The following FTO variants were observed in gnomAD, a reference collection of about 807,000 sequenced individuals.
FTO encodes the protein FTO alpha-ketoglutarate dependent dioxygenase.
In FTO, 47 loss-of-function variants were observed where a neutral mutation model predicts 63.9. That is an observed-to-expected ratio of 0.74 (90% CI 0.58 to 0.94). FTO has a LOEUF of 0.94. Ranked by LOEUF, FTO falls within the 40% of genes least tolerant of loss-of-function variation. The pLI is 0.00. For synonymous variants in FTO, 207 were observed against 224.4 expected, an observed-to-expected ratio of 0.92 and a Z score of 0.69; for missense variants, 562 against 618.1, an observed-to-expected ratio of 0.91 and a Z score of 0.96.
rs2087005282 is a variant in FTO, at chr16:54,121,523, G to A, written c.*9608G>A. On this transcript the variant is annotated 3_prime_UTR_variant, in exon 9 of 9. Coordinates refer to ENST00000471389, the MANE Select transcript of FTO (RefSeq NM_001080432.3). ...GGGGATGGAGAGCCACCTCCTCCCCGGCTTTCTGGTTCAGATGTCTTGTCT... is the reference window on the plus strand; with the variant it reads ...GGGGATGGAGAGCCACCTCCTCCCCAGCTTTCTGGTTCAGATGTCTTGTCT... 1 of 152,184 alleles carries A rather than the reference G, an allele frequency of 6.6e-6. No individual in the cohort carries two copies. The highest frequency in any genetic ancestry group is 2.1e-4 in the South Asian group (1 of 4,822). 9.4% of individuals were successfully genotyped at this position (152,184 alleles called of 1,614,324 possible).
At chr16:53,806,450 T>A (rs2078370356) in intron 1 of FTO, among the ~76,000 whole-genome samples, 3 of 152,202 alleles carry the variant, frequency 2.0e-5, no homozygotes, top group Admixed American at 2.0e-4. Context: ...CATTTATCCT[T>A]TGTGTTTCTG....
chr16:54,074,075 T>C (rs925795050), intron 8 of FTO, among the ~76,000 whole-genome samples: 10 of 152,100 alleles, frequency 6.6e-5, no homozygotes, highest in African/African-American at 1.9e-4. Context: ...TGCCTGCTAG[T>C]TCTACCCTCG....
rs865940756 is a variant in FTO, at chr16:54,114,852, C to T, written c.*2937C>T. 92 of 152,546 alleles carry T rather than the reference C, an allele frequency of 6.0e-4. No homozygotes were observed. Among genetic ancestry groups the T allele is most frequent in the African/African-American group, 2.1e-3 (87 of 41,536 alleles). The allele number at this position is 152,546 out of a possible 1,614,324, so 9.4% of individuals were successfully genotyped here. ...CCGGGAGGCGGAGGTTGCAGTGAGCCGAGATCATGCCACTGCACTCCAGCC... is the reference window on the plus strand; with the variant it reads ...CCGGGAGGCGGAGGTTGCAGTGAGCTGAGATCATGCCACTGCACTCCAGCC... On this transcript the variant is annotated 3_prime_UTR_variant, in exon 9 of 9. Coordinates refer to ENST00000471389, the MANE Select transcript of FTO (RefSeq NM_001080432.3).
chr16:53,837,013 A>G lies in FTO; in HGVS notation c.752-7142A>G, dbSNP rs541398945. Among the ~76,000 whole-genome samples, 13 of 152,062 alleles carry G rather than the reference A, an allele frequency of 8.5e-5. No individual in the cohort carries two copies. The South Asian group carries it at 2.1e-3, about 24-fold the overall frequency. ...TAAGGGTTTCCTGTGAGTCTCCACA[A>G]CTCTCTTTATACCTTCCTGAGGTTA... On this transcript the variant is annotated intron_variant, in intron 3 of 8. Coordinates refer to ENST00000471389, the MANE Select transcript of FTO (RefSeq NM_001080432.3).
chr16:53,886,723 G>C (rs948999792), intron 6 of FTO, among the ~76,000 whole-genome samples: 5 of 152,210 alleles, frequency 3.3e-5, no homozygotes, highest in Non-Finnish European at 7.4e-5. Flanking sequence ...CATACAACTT[G>C]GTATTCTCAG....
chr16:53,862,391 T>C (rs1184717731), intron 4 of FTO, among the ~76,000 whole-genome samples: 2 of 152,204 alleles, frequency 1.3e-5, no homozygotes, highest in African/African-American at 2.4e-5. Context: ...TGTTTGGACA[T>C]TTGTAGTATT....
intron 2 of FTO, among the ~76,000 whole-genome samples, chr16:53,819,604 T>A (rs1241415997): frequency 6.6e-6 from 1 of 152,230 alleles, no homozygotes; most frequent in Non-Finnish European, 1.5e-5. Context: ...GTACTTTTTT[T>A]TTCCAGTTTG....
intron 1 of FTO, among the ~76,000 whole-genome samples, chr16:53,765,366 G>GT (rs199952722): frequency 0.42 from 63,163 of 151,422 alleles, 13,436 homozygotes; most frequent in Non-Finnish European, 0.44. Flanking sequence ...AGACCAGCCT[G>GT]GGCAATATGG....
chr16:53,898,060 C>G (rs928280765), intron 7 of FTO, among the ~76,000 whole-genome samples: 1 of 152,174 alleles, frequency 6.6e-6, no homozygotes, highest in African/African-American at 2.4e-5. Context: ...TATGTCCATC[C>G]CAGTCAGAAT....
At chr16:54,104,228 A>T (rs376033699) in intron 8 of FTO, among the ~76,000 whole-genome samples, 1 of 151,862 alleles carries the variant, frequency 6.6e-6, no homozygotes, top group South Asian at 2.1e-4. Flanking sequence ...GCCCTATGAC[A>T]TCATTATTTC....
chr16:53,797,952 T>C (rs1311092115), intron 1 of FTO, among the ~76,000 whole-genome samples: 4 of 152,126 alleles, frequency 2.6e-5, no homozygotes, highest in African/African-American at 9.6e-5. Context: ...TAAGGTTTTA[T>C]ATTAGGTTTT....
intron 8 of FTO, among the ~76,000 whole-genome samples, chr16:54,090,799 C>T (rs1368417696): frequency 6.6e-6 from 1 of 152,166 alleles, no homozygotes; most frequent in Non-Finnish European, 1.5e-5. Context: ...GCTGGGTTCA[C>T]TGAGGGTCTT....
chr16:54,048,924 T>C (rs1243912734), intron 8 of FTO, among the ~76,000 whole-genome samples: 3 of 152,228 alleles, frequency 2.0e-5, no homozygotes, highest in African/African-American at 7.2e-5. Flanking sequence ...ATCTGTAATG[T>C]GCACTGATGA....
intron 4 of FTO, among the ~76,000 whole-genome samples, chr16:53,869,311 G>A (rs544018600): frequency 6.6e-6 from 1 of 151,416 alleles, no homozygotes; most frequent in Admixed American, 6.6e-5. Context: ...TTTTCCTTCT[G>A]GCTTTTTCAA....
At chr16:53,954,635 G>T (rs1011037104) in intron 8 of FTO, among the ~76,000 whole-genome samples, 2 of 152,072 alleles carry the variant, frequency 1.3e-5, no homozygotes, top group Non-Finnish European at 2.9e-5. Context: ...GTAGAGAGAA[G>T]GGTGAAATCT....
intron 7 of FTO, among the ~76,000 whole-genome samples, chr16:53,920,256 C>T (rs1021124402): frequency 4.6e-5 from 7 of 152,174 alleles, no homozygotes; most frequent in African/African-American, 1.7e-4. Context: ...TCATTTTACA[C>T]ATGAGGAAAC....
Position 53,916,634 on chromosome 16 carries a change from A to G in FTO, c.1240-17351A>G, listed in dbSNP as rs185807395. Among the ~76,000 whole-genome samples the G allele has an allele frequency of 9.8e-5, 15 of 152,326 alleles. No individual in the cohort carries two copies. In the East Asian group the frequency reaches 2.9e-3, roughly 29 times the overall value. ...TTTAGATGGAATGATGGCCTCTTTT[A>G]GTGGCACTAAATGTATACACAGAGC... On this transcript the variant is annotated intron_variant, in intron 7 of 8. Coordinates refer to ENST00000471389, the MANE Select transcript of FTO (RefSeq NM_001080432.3).
At chr16:53,763,378 T>G (rs2077118735) in intron 1 of FTO, among the ~76,000 whole-genome samples, 1 of 152,206 alleles carries the variant, frequency 6.6e-6, no homozygotes, top group African/African-American at 2.4e-5. Context: ...TTACTCGTGG[T>G]TTATTTTAAA....
intron 8 of FTO, among the ~76,000 whole-genome samples, chr16:54,034,339 A>T (rs1445915164): frequency 6.6e-6 from 1 of 152,186 alleles, no homozygotes; most frequent in Non-Finnish European, 1.5e-5. Flanking sequence ...TATGATTCTA[A>T]AATGAAAAGA....
Sources: allele counts gnomAD v4.1 joint callset (sites outside exome capture counted in the v4.1 genomes callset), GRCh38; gene constraint gnomAD v4.1.1; transcripts MANE v1.5; gene names NCBI Gene and HGNC (gene_info 2026-07-23, HGNC 2026-07-21).